Variants in COL18A1 observed in about 807,000 individuals in gnomAD.
COL18A1 encodes collagen type XVIII alpha 1 chain.
COL18A1 carries 133 observed loss-of-function variants against 168.0 expected under a neutral mutation model. The observed-to-expected ratio is 0.79, with a 90% confidence interval of 0.69 to 0.91. The LOEUF is 0.91. Among genes scored for constraint, COL18A1 ranks in the 40% least tolerant of loss-of-function variants. COL18A1 has a pLI of 0.00. For synonymous variants in COL18A1, 949 were observed against 809.0 expected (o/e 1.17, Z -2.94); for missense variants, 2,126 against 1,925.4 (o/e 1.10, Z -1.95).
chr21:45,489,590 G>A (rs1454086102), intron 19 of COL18A1, 69 bp downstream of exon 19: 12 of 1,074,632 alleles, frequency 1.1e-5, no homozygotes, highest in Middle Eastern at 2.1e-4. Context: ...GGACACCTGC[G>A]GAGATCAGCT....
At chr21:45,410,489 G>A (rs914227) in intron 2 of COL18A1, among the ~76,000 whole-genome samples, 125,507 of 152,212 alleles carry the variant, frequency 0.82, 52,083 homozygotes, top group African/African-American at 0.92. Flanking sequence ...AGGAAGGCCA[G>A]TGGGAACGGC....
At chr21:45,461,855 A>G (rs1273451572) in intron 2 of COL18A1, among the ~76,000 whole-genome samples, 1 of 152,126 alleles carries the variant, frequency 6.6e-6, no homozygotes, top group Non-Finnish European at 1.5e-5. Flanking sequence ...ATTTACCTTT[A>G]TTGAGATCTT....
In COL18A1 at chr21:45,486,793, C is replaced by T. The variant is rs1299184490; in HGVS notation, c.1702-68C>T. ...TAGAAAGCATCATAAGAAAACGTGT[C>T]TACGCTGGGGTTGCAGGGCCAGCGG... On this transcript the variant is annotated intron_variant, in intron 15 of 41. Coordinates refer to ENST00000651438, the MANE Select transcript of COL18A1 (RefSeq NM_001379500.1). The T allele has an allele frequency of 3.3e-6, 5 of 1,505,260 alleles. 1 individual carries two copies. The South Asian group carries it at 6.1e-5, about 18-fold the overall frequency. The allele number at this position is 1,505,260 out of a possible 1,614,324, so 93.2% of individuals were successfully genotyped here.
chr21:45,442,141 C>T (rs988695723), intron 2 of COL18A1, among the ~76,000 whole-genome samples: 1 of 152,204 alleles, frequency 6.6e-6, no homozygotes, highest in Admixed American at 6.5e-5. Context: ...GTGGCGCTGC[C>T]CTGTTGCCCA....
chr21:45,485,772 G>C (rs951536632), intron 15 of COL18A1, among the ~76,000 whole-genome samples: 1 of 152,228 alleles, frequency 6.6e-6, no homozygotes, highest in African/African-American at 2.4e-5. Context: ...CAGCCCCTGT[G>C]GGGGACATGG....
chr21:45,472,231 GT>G (rs547123483), intron 3 of COL18A1, among the ~76,000 whole-genome samples: 6 of 143,460 alleles, frequency 4.2e-5, no homozygotes, highest in African/African-American at 1.3e-4. Context: ...TTTTTTTTTT[GT>G]TTTTTTTTTG....
At chr21:45,477,375 G>T in intron 6 of COL18A1, 36 bp from the exon 7 acceptor site, 1 of 1,577,036 alleles carries the variant, frequency 6.3e-7, no homozygotes, top group Non-Finnish European at 8.7e-7. Context: ...GCCACCCGGG[G>T]GGCGTGACCG....
intron 39 of COL18A1, 77 bp downstream of exon 39, chr21:45,509,678 CAG>C: frequency 1.2e-6 from 1 of 846,858 alleles, no homozygotes. Context: ...CCAGCCCCTG[CAG>C]AGCTGCTGGG....
intron 9 of COL18A1, 149 bp downstream of exon 9, chr21:45,478,502 A>C: frequency 9.5e-7 from 1 of 1,049,202 alleles, no homozygotes; most frequent in Admixed American, 1.9e-5. Flanking sequence ...TTGTAAAGAA[A>C]AGATGAGTGT....
intron 38 of COL18A1, among the ~76,000 whole-genome samples, 160 bp downstream of exon 38, chr21:45,507,753 C>T (rs2146104149): frequency 6.6e-6 from 1 of 152,330 alleles, no homozygotes; most frequent in East Asian, 1.9e-4. Flanking sequence ...CAGGACACCC[C>T]ACTACCTCTG....
rs1389772845 is a variant in COL18A1, at chr21:45,505,863, C to T, written c.3113C>T (p.Ala1038Val). The T allele has an allele frequency of 6.2e-7, 1 of 1,610,994 alleles. No homozygotes were observed. Among genetic ancestry groups the T allele is most frequent in the African/African-American group, 1.3e-5 (1 of 74,912 alleles). Residue 1038 changes from alanine to valine, a missense_variant, in exon 37 of 42, where the codon GCC becomes GTC. Transcript: ENST00000651438. Reference sequence around the variant, plus strand: ...GTGAGGCTCTGGGCTACACGCCAGGCCATGCTGGGCCAGGTGCACGAGGTT... The same window carrying T: ...GTGAGGCTCTGGGCTACACGCCAGGTCATGCTGGGCCAGGTGCACGAGGTT... Reference protein sequence around the residue: ...SGVRLWATRQAMLGQVHEVPE... With the variant: ...SGVRLWATRQVMLGQVHEVPE...
chr21:45,488,447 C>A lies in COL18A1; in HGVS notation c.1923+3C>A. The A allele has an allele frequency of 6.2e-7, 1 of 1,613,898 alleles. No individual in the cohort carries two copies. The highest frequency in any genetic ancestry group is 8.5e-7 in the Non-Finnish European group (1 of 1,180,000). ...CTCCCGGCCTGCCGGGACTTAAGGT[C>A]AGTGACGGATATGTCTGGGTTTCTG... On this transcript the variant is annotated splice_donor_region_variant and intron_variant, in intron 18 of 41. Transcript: ENST00000651438.
Position 45,511,038 on chromosome 21 carries a change from AC to A in COL18A1, c.3694-66del, listed in dbSNP as rs201422108. 8 of 286,024 alleles carry A rather than the reference AC, an allele frequency of 2.8e-5. No individual in the cohort carries two copies. The African/African-American group carries it at 3.2e-4, about 11-fold the overall frequency. 17.7% of individuals were successfully genotyped at this position (286,024 alleles called of 1,614,324 possible). On this transcript the variant is annotated intron_variant, in intron 40 of 41. Transcript: ENST00000651438. ...ACACATCCACACCCCACATCCACACACCCCCCCACAAACACCCACACCCATC... is the reference window on the plus strand; with the variant it reads ...ACACATCCACACCCCACATCCACACACCCCCCACAAACACCCACACCCATC...
Position 45,486,891 on chromosome 21 carries a change from G to A in COL18A1, c.1732G>A (p.Ala578Thr), listed in dbSNP as rs2036132721. 1 of 1,526,324 alleles carries A rather than the reference G, an allele frequency of 6.6e-7. No individual in the cohort carries two copies. The highest frequency in any genetic ancestry group is 8.8e-7 in the Non-Finnish European group (1 of 1,136,912). 94.5% of individuals were successfully genotyped at this position (1,526,324 alleles called of 1,614,324 possible). Residue 578 changes from alanine (A) to threonine (T), a missense_variant, in exon 16 of 42, where the codon GCT becomes ACT. Coordinates refer to ENST00000651438, the MANE Select transcript of COL18A1 (RefSeq NM_001379500.1). ...CAAGGGAGCCCCCGGTCCTGCTGGT[G>A]CTCGTGGGGAGAGCGGCCTGGCAGG... ...GSKGAPGPAG[A>T]RGESGLAGAP...
chr21:45,414,935 A>G (rs2033399767), intron 2 of COL18A1, among the ~76,000 whole-genome samples: 2 of 152,090 alleles, frequency 1.3e-5, no homozygotes, highest in Middle Eastern at 3.2e-3. Context: ...AAGGGGCAGG[A>G]CAGGGAGAGG....
chr21:45,495,011 G>A, intron 28 of COL18A1, 96 bp downstream of exon 28: 1 of 1,079,312 alleles, frequency 9.3e-7, no homozygotes, highest in Admixed American at 2.0e-5. Flanking sequence ...GAGGGGAGTG[G>A]ACGGCCGCCG....
intron 28 of COL18A1, 46 bp downstream of exon 28, chr21:45,494,961 A>G (rs1568927225): frequency 6.4e-7 from 1 of 1,554,340 alleles, no homozygotes; most frequent in Non-Finnish European, 8.8e-7. Context: ...GGGGTCTGGC[A>G]GGTGGGGAGC....
intron 2 of COL18A1, among the ~76,000 whole-genome samples, chr21:45,466,307 C>T (rs2035208861): frequency 6.6e-6 from 1 of 152,152 alleles, no homozygotes; most frequent in Non-Finnish European, 1.5e-5. Context: ...TTTAAAGGGG[C>T]CTCTGTTAAC....
chr21:45,492,159 C>T (rs1185841349), intron 22 of COL18A1, among the ~76,000 whole-genome samples: 5 of 152,262 alleles, frequency 3.3e-5, no homozygotes, highest in Admixed American at 1.3e-4. Flanking sequence ...AGACAGGCAT[C>T]GGGAGGCAGG....
Sources: allele counts gnomAD v4.1 joint callset (sites outside exome capture counted in the v4.1 genomes callset), GRCh38; gene constraint gnomAD v4.1.1; transcripts MANE v1.5; gene names NCBI Gene and HGNC (gene_info 2026-07-23, HGNC 2026-07-21).